The following RFX7 variants were observed in gnomAD, a reference collection of about 807,000 sequenced individuals.
RFX7 encodes DNA-binding protein RFX7.
A neutral mutation model predicts 111.8 loss-of-function variants in RFX7; 26 were observed. The observed-to-expected ratio is 0.23, with a 90% CI of 0.17 to 0.32. RFX7 has a LOEUF of 0.32. Ranked by LOEUF, RFX7 falls within the 10% of genes least tolerant of loss-of-function variation. RFX7 has a pLI of 1.00. For synonymous variants in RFX7, 624 were observed against 624.4 expected, an observed-to-expected ratio of 1.00 and a Z score of 0.01; for missense variants, 1,573 against 1,772.9, an observed-to-expected ratio of 0.89 and a Z score of 2.02.
intron 2 of RFX7, among the ~76,000 whole-genome samples, chr15:56,180,097 C>A (rs1228351694): frequency 6.6e-6 from 1 of 152,090 alleles, no homozygotes; most frequent in East Asian, 1.9e-4. Context: ...TACACACAAT[C>A]TTTAAAAGAT....
In RFX7 at chr15:56,093,032, T is replaced by A. The variant is rs528440198; in HGVS notation, c.*313A>T. On this transcript the variant is annotated 3_prime_UTR_variant, in exon 10 of 10. Coordinates refer to ENST00000559447, the MANE Select transcript of RFX7 (RefSeq NM_022841.7). ...TCTGAGTTCTGTGCAGATCATCTGA[T>A]GAAATGAAACTAACTTACACAAAAT... is the stretch of plus-strand genomic sequence containing the variant. 7.8e-6 allele frequency: 2 copies of A among 256,722 alleles called. No homozygotes were observed. The highest frequency in any genetic ancestry group is 2.0e-4 in the South Asian group (2 of 10,136). 15.9% of individuals were successfully genotyped at this position (256,722 alleles called of 1,614,324 possible).
chr15:56,148,213 A>G (rs1400963314), intron 3 of RFX7, among the ~76,000 whole-genome samples: 1 of 152,218 alleles, frequency 6.6e-6, no homozygotes, highest in East Asian at 1.9e-4. Flanking sequence ...TGTCAAACAC[A>G]TTCCAGGAAA....
chr15:56,150,015 G>A (rs1016762620), intron 3 of RFX7, among the ~76,000 whole-genome samples: 1 of 131,108 alleles, frequency 7.6e-6, no homozygotes. Context: ...TGAGACAGTC[G>A]ACCTTGGTCG....
At chr15:56,112,001 G>C (rs1595934296) in intron 5 of RFX7, among the ~76,000 whole-genome samples, 2 of 151,932 alleles carry the variant, frequency 1.3e-5, no homozygotes, top group African/African-American at 4.8e-5. Flanking sequence ...TATAGTCCCA[G>C]CTACTCGGGA....
chr15:56,219,173 T>C (rs902338895), intron 2 of RFX7, among the ~76,000 whole-genome samples: 3 of 152,170 alleles, frequency 2.0e-5, no homozygotes, highest in African/African-American at 7.2e-5. Flanking sequence ...CAATATTAGA[T>C]ATAAATAAAT....
chr15:56,137,927 G>C (rs1251805254), intron 5 of RFX7, among the ~76,000 whole-genome samples: 9 of 152,056 alleles, frequency 5.9e-5, no homozygotes, highest in Non-Finnish European at 1.2e-4. Context: ...GAGTGGTTTT[G>C]AGTGAGATTC....
intron 5 of RFX7, among the ~76,000 whole-genome samples, chr15:56,125,369 T>G (rs938703341): frequency 6.6e-6 from 1 of 152,198 alleles, no homozygotes; most frequent in Non-Finnish European, 1.5e-5. Context: ...TTAAGGTCTT[T>G]TTTTCTATTT....
chr15:56,242,149 T>A (rs1387864798), intron 2 of RFX7, among the ~76,000 whole-genome samples: 3 of 152,226 alleles, frequency 2.0e-5, no homozygotes, highest in African/African-American at 4.8e-5. Flanking sequence ...TCAAGGCTTT[T>A]TAAAATACCA....
At position 56,189,766 on chromosome 15, in the gene RFX7, T is replaced by C. The variant is rs185942189; in HGVS notation, c.162-10463A>G. ...GGCTTTGAAGCAACCATAGCTTTCA[T>C]ACATTTATGGTGGGAATGTGAAAGG... On this transcript the variant is annotated intron_variant, in intron 2 of 9. Transcript: ENST00000559447. 1.4e-4 allele frequency: 21 copies of C among 152,342 alleles called. No homozygotes were observed. The East Asian group carries it at 4.0e-3, about 29-fold the overall frequency. The allele number at this position is 152,342 out of a possible 1,614,324, so 9.4% of individuals were successfully genotyped here. A position where few individuals can be genotyped will look rare whatever the true frequency, so the allele number is the denominator to read the frequency against.
At chr15:56,109,199 C>A (rs2041873971) in intron 5 of RFX7, among the ~76,000 whole-genome samples, 1 of 151,904 alleles carries the variant, frequency 6.6e-6, no homozygotes, top group African/African-American at 2.4e-5. Context: ...GCGCGCGCCG[C>A]CACGCCTGAC....
chr15:56,137,712 G>A (rs1440222149), intron 5 of RFX7, among the ~76,000 whole-genome samples: 1 of 151,994 alleles, frequency 6.6e-6, no homozygotes. Flanking sequence ...ATGTTAGGGT[G>A]TCAATTTTAG....
At chr15:56,240,581 T>G (rs2043677943) in intron 2 of RFX7, among the ~76,000 whole-genome samples, 1 of 152,050 alleles carries the variant, frequency 6.6e-6, no homozygotes, top group Non-Finnish European at 1.5e-5. Flanking sequence ...ATTTGTAGAG[T>G]AGGAGGACAA....
chr15:56,228,634 G>C (rs1477408033), intron 2 of RFX7, among the ~76,000 whole-genome samples: 2 of 152,094 alleles, frequency 1.3e-5, no homozygotes, highest in African/African-American at 4.8e-5. Context: ...TTTTAGTTTA[G>C]AGGAAAAGTG....
intron 5 of RFX7, among the ~76,000 whole-genome samples, chr15:56,118,507 T>C (rs2042036880): frequency 6.6e-6 from 1 of 152,216 alleles, no homozygotes; most frequent in Non-Finnish European, 1.5e-5. Flanking sequence ...ATCCATGTGA[T>C]TGCAAATGAT....
intron 2 of RFX7, among the ~76,000 whole-genome samples, chr15:56,217,466 C>A (rs958229016): frequency 6.0e-5 from 9 of 150,412 alleles, no homozygotes; most frequent in Non-Finnish European, 1.2e-4. Flanking sequence ...GAGCCCAGGA[C>A]AGTTGTCTTG....
At chr15:56,143,428 A>C (rs1225950183) in intron 4 of RFX7, among the ~76,000 whole-genome samples, 1 of 152,140 alleles carries the variant, frequency 6.6e-6, no homozygotes, top group African/African-American at 2.4e-5. Context: ...TCTGTGCTCC[A>C]GAATGGAATT....
chr15:56,131,027 G>C (rs1185980886), intron 5 of RFX7, among the ~76,000 whole-genome samples: 1 of 151,698 alleles, frequency 6.6e-6, no homozygotes, highest in African/African-American at 2.4e-5. Context: ...AACTGTTCCA[G>C]AGCACAGAAA....
chr15:56,195,444 A>G (rs2043138717), intron 2 of RFX7, among the ~76,000 whole-genome samples: 1 of 152,162 alleles, frequency 6.6e-6, no homozygotes, highest in African/African-American at 2.4e-5. Flanking sequence ...AAATTAAGAA[A>G]AAACTTCCTT....
chr15:56,143,618 T>C (rs1200585444), intron 4 of RFX7, among the ~76,000 whole-genome samples: 8 of 152,152 alleles, frequency 5.3e-5, no homozygotes, highest in African/African-American at 1.9e-4. Context: ...ACTCTACTGA[T>C]TGTGACATCC....
Sources: allele counts gnomAD v4.1 joint callset (sites outside exome capture counted in the v4.1 genomes callset), GRCh38; gene constraint gnomAD v4.1.1; transcripts MANE v1.5; gene names NCBI Gene and HGNC (gene_info 2026-07-23, HGNC 2026-07-21).